Variants in FRYL observed in about 807,000 individuals in gnomAD.
The protein encoded by FRYL is protein furry homolog-like.
FRYL carries 150 observed loss-of-function variants against 351.2 expected under a neutral mutation model. That is an observed-to-expected ratio of 0.43 (90% CI 0.37 to 0.49). The LOEUF (loss-of-function observed/expected upper bound fraction) is 0.49, where lower values mean the gene tolerates loss of function less well. Ranked by LOEUF, FRYL falls within the 20% of genes least tolerant of loss-of-function variation. The pLI is 0.00. For missense variants in FRYL, 3,036 were observed against 3,619.3 expected, an observed-to-expected ratio of 0.84 and a Z score of 4.13; for synonymous variants, 1,153 against 1,257.1, an observed-to-expected ratio of 0.92 and a Z score of 1.75.
At position 48,630,348 on chromosome 4, in the gene FRYL, A is replaced by G. The variant is rs927242435; in HGVS notation, c.120+3943T>C. ...GGAAGAAACTGACCATACAGGGAGA[A>G]GAAACCCTTTAAGACACATACATAT... is the stretch of plus-strand genomic sequence containing the variant. On this transcript the variant is annotated intron_variant, in intron 4 of 63. Transcript: ENST00000358350. Among the ~76,000 whole-genome samples, 19 of 152,326 alleles carry G rather than the reference A, an allele frequency of 1.2e-4. 1 individual carries two copies. The highest frequency in any genetic ancestry group is 4.6e-4 in the African/African-American group (19 of 41,586).
Position 48,576,062 on chromosome 4 carries a change from T to G in FRYL, c.2689A>C (p.Thr897Pro), listed in dbSNP as rs1739529686. The change falls in exon 24 of 64, where the codon ACC becomes CCC. Residue 897 changes from threonine (T) to proline (P), a missense_variant. Transcript: ENST00000358350. ...TCAATGCTATAGCCGCTATCTGGGGTAGACGCCAGCGTCTCAGGAGGAGAA... is the reference window on the plus strand; with the variant it reads ...TCAATGCTATAGCCGCTATCTGGGGGAGACGCCAGCGTCTCAGGAGGAGAA... ...RCSPPETLAS[T>P]PDSGYSIDSK... is the part of the protein sequence containing the mutation. 6.2e-7 allele frequency: 1 copy of G among 1,613,054 alleles called. No homozygotes were observed. The highest frequency in any genetic ancestry group is 1.1e-5 in the South Asian group (1 of 90,896).
At chr4:48,507,630 T>TAG (rs1424119604) in intron 59 of FRYL, among the ~76,000 whole-genome samples, 1 of 152,120 alleles carries the variant, frequency 6.6e-6, no homozygotes, top group Admixed American at 6.6e-5. Context: ...TCCCTGCGCA[T>TAG]AGAGGCTGAA....
intron 59 of FRYL, 70 bp from the exon 60 acceptor site, chr4:48,505,685 A>C (rs1165216834): frequency 3.3e-6 from 3 of 910,808 alleles, no homozygotes; most frequent in Non-Finnish European, 5.2e-6. Flanking sequence ...GTCCATATAC[A>C]ACACCAAACT....
chr4:48,687,877 C>T (rs949683364), intron 2 of FRYL, among the ~76,000 whole-genome samples: 21 of 152,124 alleles, frequency 1.4e-4, no homozygotes, highest in Non-Finnish European at 1.0e-4. Context: ...TAAGGAAAAA[C>T]GACTTAATTA....
intron 1 of FRYL, among the ~76,000 whole-genome samples, chr4:48,761,643 T>A (rs1242807157): frequency 6.6e-6 from 1 of 152,186 alleles, no homozygotes; most frequent in East Asian, 1.9e-4. Flanking sequence ...GTACTTTTCT[T>A]TGTTTAGATA....
chr4:48,763,744 C>T (rs1464583575), intron 1 of FRYL, among the ~76,000 whole-genome samples: 1 of 152,152 alleles, frequency 6.6e-6, no homozygotes, highest in Non-Finnish European at 1.5e-5. Context: ...AGGGTACCCA[C>T]TCTTACTACT....
intron 3 of FRYL, among the ~76,000 whole-genome samples, chr4:48,668,595 C>G (rs1404035205): frequency 6.6e-6 from 1 of 152,212 alleles, no homozygotes; most frequent in Non-Finnish European, 1.5e-5. Context: ...GGTTTACTAA[C>G]TGCTTAAGAA....
chr4:48,620,296 C>T (rs1383320458), intron 6 of FRYL, among the ~76,000 whole-genome samples: 1 of 152,144 alleles, frequency 6.6e-6, no homozygotes, highest in African/African-American at 2.4e-5. Context: ...CCTTCATAAA[C>T]CATATGAACA....
At chr4:48,535,900 T>A in intron 47 of FRYL, 73 bp from the exon 48 acceptor site, 1 of 1,122,108 alleles carries the variant, frequency 8.9e-7, no homozygotes, top group Non-Finnish European at 1.2e-6. Context: ...ATGCTAAATG[T>A]ATTCGCTTAA....
intron 1 of FRYL, among the ~76,000 whole-genome samples, chr4:48,758,777 A>C (rs1320865287): frequency 2.0e-5 from 3 of 152,154 alleles, no homozygotes; most frequent in East Asian, 1.9e-4. Flanking sequence ...AAGACACATG[A>C]ACACGTATGT....
chr4:48,695,163 A>G (rs1766034675), intron 2 of FRYL, among the ~76,000 whole-genome samples: 1 of 152,164 alleles, frequency 6.6e-6, no homozygotes, highest in African/African-American at 2.4e-5. Flanking sequence ...GTTTAAACAT[A>G]CCCCTAAGAG....
At chr4:48,599,212 T>C (rs1335989600) in intron 13 of FRYL, among the ~76,000 whole-genome samples, 1 of 152,218 alleles carries the variant, frequency 6.6e-6, no homozygotes, top group Non-Finnish European at 1.5e-5. Context: ...CAAATTATTT[T>C]CTATGATAAC....
intron 41 of FRYL, 22 bp downstream of exon 41, chr4:48,547,562 A>G (rs1230629947): frequency 2.1e-6 from 3 of 1,395,578 alleles, no homozygotes; most frequent in South Asian, 1.6e-5. Context: ...CTACTTTCAA[A>G]TTGTACATTT....
chr4:48,570,779 T>C (rs745335892), intron 27 of FRYL, 48 bp downstream of exon 27: 7 of 1,345,886 alleles, frequency 5.2e-6, no homozygotes, highest in Non-Finnish European at 7.5e-6. Flanking sequence ...AGAGATTACG[T>C]TCTCTAGGAT....
At chr4:48,645,689 C>T (rs1349835227) in intron 3 of FRYL, among the ~76,000 whole-genome samples, 14 of 152,138 alleles carry the variant, frequency 9.2e-5, no homozygotes, top group Non-Finnish European at 2.1e-4. Flanking sequence ...CAGGCTGATT[C>T]TAATATGCAG....
chr4:48,533,129 T>G (rs1179631226), intron 49 of FRYL, among the ~76,000 whole-genome samples: 1 of 152,174 alleles, frequency 6.6e-6, no homozygotes, highest in Middle Eastern at 3.2e-3. Context: ...CACAAATCTA[T>G]GCTCCTTCTG....
chr4:48,702,734 C>T (rs1766895257), intron 2 of FRYL, among the ~76,000 whole-genome samples: 1 of 132,634 alleles, frequency 7.5e-6, no homozygotes, highest in Non-Finnish European at 1.5e-5. Flanking sequence ...GCACTCCAGC[C>T]TGGGCGACAG....
chr4:48,644,411 A>G (rs1755955820), intron 3 of FRYL, among the ~76,000 whole-genome samples: 1 of 151,902 alleles, frequency 6.6e-6, no homozygotes, highest in African/African-American at 2.4e-5. Context: ...ATCAAGACAT[A>G]TATCAGAACA....
At chr4:48,544,980 T>C (rs1372694394) in intron 42 of FRYL, 76 bp from the exon 43 acceptor site, 2 of 1,425,338 alleles carry the variant, frequency 1.4e-6, no homozygotes, top group Admixed American at 4.8e-5. Flanking sequence ...TTGCCTAAAT[T>C]ACACCTTTAC....
Sources: gnomAD v4.1 joint callset for allele counts (sites outside exome capture counted in the v4.1 genomes callset) on GRCh38, gnomAD v4.1.1 for gene constraint, MANE v1.5 for transcripts, NCBI Gene and HGNC (gene_info 2026-07-23, HGNC 2026-07-21) for gene names.